The following ADAMTS12 variants were observed in gnomAD, a reference collection of about 807,000 sequenced individuals.
The protein encoded by ADAMTS12 is A disintegrin and metalloproteinase with thrombospondin motifs 12.
A neutral mutation model predicts 167.8 loss-of-function variants in ADAMTS12; 118 were observed. The ratio of observed to expected loss-of-function variants is 0.70; its 90% CI spans 0.61 to 0.82. The LOEUF is 0.82. Among genes scored for constraint, ADAMTS12 ranks in the 40% least tolerant of loss-of-function variants. ADAMTS12 has a pLI of 0.00. For missense variants in ADAMTS12, 1,916 were observed against 1,998.8 expected (o/e 0.96, Z 0.79); for synonymous variants, 704 against 716.9 (o/e 0.98, Z 0.29).
At chr5:33,595,232 C>T (rs1299414675) in intron 17 of ADAMTS12, among the ~76,000 whole-genome samples, 1 of 151,930 alleles carries the variant, frequency 6.6e-6, no homozygotes, top group Non-Finnish European at 1.5e-5. Context: ...ATCCCAATCT[C>T]TTGAACCAAT....
chr5:33,543,445 C>A (rs796782371), intron 22 of ADAMTS12, among the ~76,000 whole-genome samples: 7 of 152,294 alleles, frequency 4.6e-5, no homozygotes, highest in Middle Eastern at 6.8e-3. Context: ...CAAAGAGGAG[C>A]TAGTACCATT....
At position 33,582,531 on chromosome 5, in the gene ADAMTS12, T is replaced by C. The variant is rs146795088; in HGVS notation, c.2866-5371A>G. Among the ~76,000 whole-genome samples the C allele has an allele frequency of 5.1e-3, 783 of 152,372 alleles. 5 individuals are homozygous for C. Among genetic ancestry groups the C allele is most frequent in the Non-Finnish European group, 6.1e-3 (418 of 68,036 alleles). On this transcript the variant is annotated intron_variant, in intron 18 of 23. Coordinates refer to ENST00000504830, the MANE Select transcript of ADAMTS12 (RefSeq NM_030955.4). The stretch of plus-strand genomic sequence containing the variant: ...CATTGCCATTTGCTGCCACGTCTTC[T>C]ATCCCAAGAGCCAGAGAGCTCATTT...
intron 3 of ADAMTS12, among the ~76,000 whole-genome samples, chr5:33,692,443 T>C (rs1013766554): frequency 6.6e-6 from 1 of 152,224 alleles, no homozygotes; most frequent in Admixed American, 6.5e-5. Context: ...AAAATAAAAG[T>C]ATTTTTCAAC....
At chr5:33,807,515 T>C (rs373546986) in intron 2 of ADAMTS12, among the ~76,000 whole-genome samples, 3 of 152,356 alleles carry the variant, frequency 2.0e-5, no homozygotes, top group East Asian at 3.9e-4. Context: ...ACTGAGATGA[T>C]AGATGTAAAG....
intron 1 of ADAMTS12, 89 bp downstream of exon 1, chr5:33,891,641 G>T (rs1561332850): frequency 1.9e-6 from 3 of 1,581,836 alleles, no homozygotes; most frequent in Non-Finnish European, 2.6e-6. Flanking sequence ...GTTCAGTTCT[G>T]CCGGGTGGGG....
intron 16 of ADAMTS12, among the ~76,000 whole-genome samples, chr5:33,609,321 A>G (rs1460886683): frequency 2.6e-5 from 4 of 152,076 alleles, no homozygotes; most frequent in Non-Finnish European, 4.4e-5. Flanking sequence ...CCGAAAGCAC[A>G]AACTTTAAAG....
chr5:33,549,685 C>A (rs1745160665), intron 20 of ADAMTS12, among the ~76,000 whole-genome samples: 2 of 152,220 alleles, frequency 1.3e-5, no homozygotes, highest in Admixed American at 1.3e-4. Flanking sequence ...CTGCTACCTC[C>A]CAGCTGTGGG....
At chr5:33,815,497 G>C (rs923992031) in intron 2 of ADAMTS12, among the ~76,000 whole-genome samples, 1 of 152,172 alleles carries the variant, frequency 6.6e-6, no homozygotes. Flanking sequence ...TGACCATCCT[G>C]GTGCCCTGAT....
intron 3 of ADAMTS12, among the ~76,000 whole-genome samples, chr5:33,697,913 C>T (rs371706291): frequency 5.1e-4 from 77 of 152,352 alleles, no homozygotes; most frequent in Middle Eastern, 3.4e-3. Flanking sequence ...CACCCCTCTG[C>T]GCAAAAGTAA....
chr5:33,596,743 GC>G (rs1737905191), intron 16 of ADAMTS12, among the ~76,000 whole-genome samples: 1 of 152,216 alleles, frequency 6.6e-6, no homozygotes, highest in African/African-American at 2.4e-5. Context: ...TGAGGCAATT[GC>G]TACATTATTA....
At chr5:33,855,876 G>A (rs896096728) in intron 2 of ADAMTS12, among the ~76,000 whole-genome samples, 7 of 152,110 alleles carry the variant, frequency 4.6e-5, no homozygotes, top group Admixed American at 3.3e-4. Flanking sequence ...ATAGGCAAGC[G>A]CCACCACACC....
chr5:33,853,914 C>T (rs896476794), intron 2 of ADAMTS12, among the ~76,000 whole-genome samples: 5 of 152,194 alleles, frequency 3.3e-5, no homozygotes, highest in Admixed American at 1.3e-4. Flanking sequence ...CCCTGGGCTG[C>T]AAGGATCCAG....
chr5:33,803,144 GAAGGC>G, intron 2 of ADAMTS12, among the ~76,000 whole-genome samples: 1 of 152,308 alleles, frequency 6.6e-6, no homozygotes, highest in South Asian at 2.1e-4. Flanking sequence ...CAGGGAAGAT[GAAGGC>G]AGTGTGGGAT....
At chr5:33,779,969 A>G (rs1746062035) in intron 2 of ADAMTS12, among the ~76,000 whole-genome samples, 1 of 152,192 alleles carries the variant, frequency 6.6e-6, no homozygotes, top group South Asian at 2.1e-4. Context: ...ATTTGCTACG[A>G]GAGTAGATCT....
rs1319393724 is a variant in ADAMTS12, at chr5:33,537,784, G to A, written c.4447-2792C>T. ...ATTAGAGTGGATCAATGGCTGTGCC[G>A]GTGCAACTATGCAGCTATGAACAAT... On this transcript the variant is annotated intron_variant, in intron 22 of 23. Coordinates refer to ENST00000504830, the MANE Select transcript of ADAMTS12 (RefSeq NM_030955.4). 3.3e-5 allele frequency among the ~76,000 whole-genome samples: 5 copies of A among 152,150 alleles called. 1 individual carries two copies. The highest frequency in any genetic ancestry group is 4.1e-4 in the South Asian group (2 of 4,828).
chr5:33,875,845 G>A (rs1029471220), intron 2 of ADAMTS12, among the ~76,000 whole-genome samples: 23 of 152,158 alleles, frequency 1.5e-4, no homozygotes, highest in African/African-American at 5.1e-4. Context: ...AAAGGCATAT[G>A]AAGAGAAAGG....
At chr5:33,573,812 C>T (rs1371906760) in intron 19 of ADAMTS12, among the ~76,000 whole-genome samples, 3 of 152,228 alleles carry the variant, frequency 2.0e-5, no homozygotes, top group Admixed American at 6.5e-5. Flanking sequence ...AACAGGCAAC[C>T]TACAAAATGG....
intron 3 of ADAMTS12, among the ~76,000 whole-genome samples, chr5:33,725,957 T>G (rs1200752676): frequency 6.6e-6 from 1 of 152,202 alleles, no homozygotes; most frequent in Non-Finnish European, 1.5e-5. Flanking sequence ...AGAGTTATCT[T>G]AGAACATACA....
At chr5:33,868,323 G>A (rs1041794730) in intron 2 of ADAMTS12, among the ~76,000 whole-genome samples, 1 of 152,190 alleles carries the variant, frequency 6.6e-6, no homozygotes, top group Non-Finnish European at 1.5e-5. Flanking sequence ...GAGAAAGGAA[G>A]ATGAGGAAAA....
Sources: gnomAD v4.1 joint callset for allele counts (sites outside exome capture counted in the v4.1 genomes callset) on GRCh38, gnomAD v4.1.1 for gene constraint, MANE v1.5 for transcripts, NCBI Gene and HGNC (gene_info 2026-07-23, HGNC 2026-07-21) for gene names.